USP4: variants seen among roughly 807,000 people sequenced by gnomAD.
USP4 encodes the protein ubiquitin carboxyl-terminal hydrolase 4.
Under a neutral mutation model 118.2 loss-of-function variants are expected in USP4, and 72 were observed. The observed-to-expected ratio is 0.61, with a 90% CI of 0.50 to 0.74. The LOEUF is 0.74. USP4 is among the 30% of genes least tolerant of loss of function. The pLI, the probability that USP4 is intolerant of heterozygous loss-of-function variation, is 0.00. For synonymous variants in USP4, 415 were observed against 440.4 expected, an observed-to-expected ratio of 0.94 and a Z score of 0.72; for missense variants, 1,037 against 1,185.7, an observed-to-expected ratio of 0.87 and a Z score of 1.84.
At chr3:49,319,738 C>T (rs1237824893) in intron 6 of USP4, among the ~76,000 whole-genome samples, 1 of 152,016 alleles carries the variant, frequency 6.6e-6, no homozygotes, top group African/African-American at 2.4e-5. Context: ...CTCAGCCTCC[C>T]AAGTAGCTGG....
rs754930674 is a variant in USP4, at chr3:49,284,922, G to A, written c.2201-3C>T. The A allele has an allele frequency of 3.3e-5, 52 of 1,576,438 alleles. No homozygotes were observed. The highest frequency in any genetic ancestry group is 4.0e-5 in the Non-Finnish European group (46 of 1,162,270). ...ATCCATGGCCAGTGTAGATCGAGCT[G>A]AGGAGGACCAAAATGTCACTTGTTA... On this transcript the variant is annotated splice_region_variant and splice_polypyrimidine_tract_variant and intron_variant, in intron 16 of 21. Coordinates refer to ENST00000265560, the MANE Select transcript of USP4 (RefSeq NM_003363.4).
At chr3:49,324,805 C>T (rs373727973) in intron 5 of USP4, 42 bp from the exon 6 acceptor site, 65 of 1,613,000 alleles carry the variant, frequency 4.0e-5, no homozygotes, top group Middle Eastern at 1.6e-4. Context: ...TTCAAACCAC[C>T]GCACTTCCAA....
In USP4 at chr3:49,278,256, A is replaced by G; in HGVS notation, c.*37T>C. The G allele has an allele frequency of 1.9e-6, 3 of 1,603,038 alleles. No homozygotes were observed. In the South Asian group the frequency reaches 3.3e-5, roughly 18 times the overall value. On this transcript the variant is annotated 3_prime_UTR_variant, in exon 22 of 22. Coordinates refer to ENST00000265560, the MANE Select transcript of USP4 (RefSeq NM_003363.4). ...CAAAGATGTTCTCCTGGGGGATTAC[A>G]CTGGCGCTACAGGGTGGCAGGATCG...
In USP4 at chr3:49,320,748, T is replaced by TC. The variant is rs1410394043; in HGVS notation, c.695+3953dup. On this transcript the variant is annotated intron_variant, in intron 6 of 21. Transcript: ENST00000265560. ...CTCCTTATTTCAGGTTTCTTTTTTT[T>TC]CCCCCTTTTTCCACATGTTCTAACA... is the stretch of plus-strand genomic sequence containing the variant. Among the ~76,000 whole-genome samples the TC allele has an allele frequency of 8.5e-5, 13 of 152,310 alleles. No individual in the cohort carries two copies. The East Asian group carries it at 2.3e-3, about 27-fold the overall frequency.
At chr3:49,320,827 A>G (rs1559477464) in intron 6 of USP4, among the ~76,000 whole-genome samples, 1 of 150,998 alleles carries the variant, frequency 6.6e-6, no homozygotes, top group African/African-American at 2.4e-5. Context: ...TTTGCCTTCC[A>G]TTAATTTTCC....
chr3:49,311,739 T>A (rs1479209187), intron 6 of USP4, 85 bp from the exon 7 acceptor site: 1 of 1,525,468 alleles, frequency 6.6e-7, no homozygotes, highest in African/African-American at 1.4e-5. Context: ...TCTCAAGGAA[T>A]AAATATTCTT....
chr3:49,295,509 T>C (rs2047195415), intron 13 of USP4, among the ~76,000 whole-genome samples: 1 of 151,994 alleles, frequency 6.6e-6, no homozygotes, highest in Non-Finnish European at 1.5e-5. Flanking sequence ...AAGAAACTGC[T>C]AGATACAAAT....
In USP4 at chr3:49,297,937, G is replaced by A. The variant is rs1335870353; in HGVS notation, c.1624C>T (p.Arg542Ter). 1 of 1,613,776 alleles carries A rather than the reference G, an allele frequency of 6.2e-7. No homozygotes were observed. Among genetic ancestry groups the A allele is most frequent in the Non-Finnish European group, 8.5e-7 (1 of 1,179,714 alleles). ...TCCATTTGGAAAATTTTGTGGAATC[G>A]GTGATTATACACATCTGCGACCACC... ...NMVVADVYNH[R>*]FHKIFQMDEG... The change falls in exon 13 of 22, where the codon CGA (arginine) becomes TGA (stop). Residue 542 changes from arginine (R) to a stop codon, truncating the protein, a stop_gained. Transcript: ENST00000265560. LOFTEE classifies it high-confidence loss of function.
chr3:49,297,030 T>C (rs559838888), intron 13 of USP4, among the ~76,000 whole-genome samples: 5 of 152,202 alleles, frequency 3.3e-5, no homozygotes, highest in Non-Finnish European at 7.3e-5. Flanking sequence ...CTAGAAGTCA[T>C]AGGCCCAAAA....
intron 14 of USP4, 56 bp downstream of exon 14, chr3:49,294,351 A>G (rs1167764272): frequency 1.3e-6 from 2 of 1,552,084 alleles, no homozygotes; most frequent in East Asian, 2.3e-5. Flanking sequence ...TGCCACTACT[A>G]TTACTGGGTA....
At chr3:49,317,924 C>T (rs1255203609) in intron 6 of USP4, among the ~76,000 whole-genome samples, 1 of 151,938 alleles carries the variant, frequency 6.6e-6, no homozygotes, top group Non-Finnish European at 1.5e-5. Flanking sequence ...CAACCTCTGC[C>T]TCCTGGGTTT....
chr3:49,283,449 C>T (rs1214474574), intron 19 of USP4, among the ~76,000 whole-genome samples: 1 of 152,076 alleles, frequency 6.6e-6, no homozygotes, highest in East Asian at 1.9e-4. Context: ...GCCACTGTGC[C>T]CAGCCAGGGA....
chr3:49,315,683 T>C (rs1305154302), intron 6 of USP4, among the ~76,000 whole-genome samples: 1 of 152,146 alleles, frequency 6.6e-6, no homozygotes, highest in African/African-American at 2.4e-5. Context: ...GGCACCTTTC[T>C]ACTGGTAAGT....
chr3:49,292,591 C>T lies in USP4; in HGVS notation c.1891G>A (p.Val631Met), dbSNP rs1343741398. ...AACTCATCAGGTAAAGGCTGTTTCACATAGCGGCTTCAAAAAGAGAAAAAG... is the reference window on the plus strand; with the variant it reads ...AACTCATCAGGTAAAGGCTGTTTCATATAGCGGCTTCAAAAAGAGAAAAAG... ...QAVCDRISRY[V>M]KQPLPDEFGS... The change falls in exon 15 of 22, where the codon GTG becomes ATG. Residue 631 changes from valine to methionine, a missense_variant. By Grantham distance (21) the Val-to-Met change is conservative. Coordinates refer to ENST00000265560, the MANE Select transcript of USP4 (RefSeq NM_003363.4). 5.1e-6 allele frequency: 8 copies of T among 1,582,464 alleles called. 1 individual carries two copies. In the South Asian group the frequency reaches 9.3e-5, roughly 18 times the overall value.
rs748134197 is a variant in USP4, at chr3:49,325,851, A to G, written c.361-6T>C. 1.2e-6 allele frequency: 2 copies of G among 1,613,314 alleles called. No homozygotes were observed. Among genetic ancestry groups the G allele is most frequent in the Admixed American group, 3.3e-5 (2 of 60,006 alleles). Reference sequence around the variant, plus strand: ...AACAGGCCATGCTCCACAACCTATGAACAAGAGGCAGGGGTGAGGGCATAG... The same window carrying G: ...AACAGGCCATGCTCCACAACCTATGGACAAGAGGCAGGGGTGAGGGCATAG... On this transcript the variant is annotated splice_polypyrimidine_tract_variant and splice_region_variant and intron_variant, in intron 3 of 21. Transcript: ENST00000265560.
intron 16 of USP4, among the ~76,000 whole-genome samples, chr3:49,285,195 T>C (rs1367278682): frequency 6.6e-6 from 1 of 151,842 alleles, no homozygotes; most frequent in Admixed American, 6.6e-5. Context: ...ATGGGAGTAA[T>C]AGGGACCAGA....
chr3:49,295,869 T>A (rs2047202543), intron 13 of USP4, among the ~76,000 whole-genome samples: 1 of 152,088 alleles, frequency 6.6e-6, no homozygotes, highest in African/African-American at 2.4e-5. Flanking sequence ...GAACCAGGCC[T>A]TGGAGTGCAC....
chr3:49,328,192 T>C lies in USP4; in HGVS notation c.230-376A>G, dbSNP rs528409409. ...GGCCAACATGGTGAAACCCCGTCTC[T>C]ACTAAAAATATAAAAATTAGCCGGG... On this transcript the variant is annotated intron_variant, in intron 2 of 21. Coordinates refer to ENST00000265560, the MANE Select transcript of USP4 (RefSeq NM_003363.4). Among the ~76,000 whole-genome samples the C allele has an allele frequency of 1.1e-4, 16 of 152,112 alleles. 1 individual carries two copies. Among genetic ancestry groups the C allele is most frequent in the Admixed American group, 1.0e-3 (16 of 15,262 alleles).
At chr3:49,302,876 CT>C (rs1180886829) in intron 9 of USP4, among the ~76,000 whole-genome samples, 3 of 152,166 alleles carry the variant, frequency 2.0e-5, no homozygotes, top group African/African-American at 7.2e-5. Flanking sequence ...GAGTCTTAAA[CT>C]CCATAAGGAC....
Sources: allele counts gnomAD v4.1 joint callset (sites outside exome capture counted in the v4.1 genomes callset), GRCh38; gene constraint gnomAD v4.1.1; transcripts MANE v1.5; gene names NCBI Gene and HGNC (gene_info 2026-07-23, HGNC 2026-07-21).